IL1RAPL1: variants seen among roughly 807,000 people sequenced by gnomAD.
The protein encoded by IL1RAPL1 is interleukin 1 receptor accessory protein like 1.
IL1RAPL1 carries 3 observed loss-of-function variants against 48.4 expected under a neutral mutation model. The observed-to-expected ratio is 0.06, with a 90% CI of 0.03 to 0.16. IL1RAPL1 has a LOEUF of 0.16. Among genes scored for constraint, IL1RAPL1 ranks in the 10% least tolerant of loss-of-function variants. The probability of loss-of-function intolerance (pLI) is 1.00; values close to 1 mark genes in which losing one functional copy is unlikely to be tolerated. For synonymous variants in IL1RAPL1, 185 were observed against 187.7 expected, an observed-to-expected ratio of 0.99 and a Z score of 0.12; for missense variants, 349 against 530.6, an observed-to-expected ratio of 0.66 and a Z score of 3.36.
chrX:28,912,180 G>A (rs1280452991), intron 2 of IL1RAPL1, among the ~76,000 whole-genome samples: 1 of 109,097 alleles, frequency 9.2e-6, no homozygotes, highest in Non-Finnish European at 1.9e-5. Flanking sequence ...TGAAGAAAAG[G>A]CAATTCAAGA....
chrX:29,260,951 G>A (rs970987308), intron 2 of IL1RAPL1, among the ~76,000 whole-genome samples: 23 of 103,699 alleles, frequency 2.2e-4, no homozygotes, highest in East Asian at 8.7e-4. Flanking sequence ...ATAACTGAAC[G>A]AATAAAATAA....
chrX:29,802,851 GTA>G (rs1184442660), intron 6 of IL1RAPL1, among the ~76,000 whole-genome samples: 1 of 86,056 alleles, frequency 1.2e-5, no homozygotes, highest in Admixed American at 1.3e-4. Context: ...ACATATATGT[GTA>G]TATACGTGTA....
intron 2 of IL1RAPL1, among the ~76,000 whole-genome samples, chrX:28,801,524 C>T (rs777246596): frequency 2.7e-5 from 3 of 111,443 alleles, no homozygotes; most frequent in Non-Finnish European, 5.7e-5. Flanking sequence ...TGTTAAGTAT[C>T]GTAAGTTCCA....
chrX:29,463,764 A>G (rs1438438224), intron 5 of IL1RAPL1, among the ~76,000 whole-genome samples: 1 of 111,879 alleles, frequency 8.9e-6, no homozygotes, highest in Non-Finnish European at 1.9e-5. Context: ...GATGTTATGT[A>G]ACTTCCAGAC....
rs778770675 is a variant in IL1RAPL1, at chrX:28,867,115, A to G, written c.82+77690A>G. Among the ~76,000 whole-genome samples the G allele has an allele frequency of 2.9e-3, 325 of 111,142 alleles. 1 individual carries two copies. Among genetic ancestry groups the G allele is most frequent in the Middle Eastern group, 4.7e-3 (1 of 215 alleles). ...ATGGCCATGGAAAATGACCTGCAAA[A>G]TCTGCCAGTGCCAAGGTCTCTTGAA... On this transcript the variant is annotated intron_variant, in intron 2 of 10. Coordinates refer to ENST00000378993, the MANE Select transcript of IL1RAPL1 (RefSeq NM_014271.4).
chrX:29,770,364 G>T (rs1331319123), intron 6 of IL1RAPL1, among the ~76,000 whole-genome samples: 1 of 111,282 alleles, frequency 9.0e-6, no homozygotes, highest in Non-Finnish European at 1.9e-5. Flanking sequence ...TTAATAACTT[G>T]TTTTTCAGTG....
At chrX:29,946,933 C>CAT (rs1319412990) in intron 9 of IL1RAPL1, among the ~76,000 whole-genome samples, 1 of 111,921 alleles carries the variant, frequency 8.9e-6, no homozygotes, top group East Asian at 2.8e-4. Context: ...ATGGAAATAC[C>CAT]ATTTCCAAGA....
At chrX:29,649,154 C>A (rs1925434155) in intron 5 of IL1RAPL1, among the ~76,000 whole-genome samples, 1 of 111,468 alleles carries the variant, frequency 9.0e-6, no homozygotes, top group African/African-American at 3.3e-5. Context: ...GGCTTTACTG[C>A]TGAATTCTAC....
intron 2 of IL1RAPL1, chrX:28,924,001 C>T (rs994142775): frequency 6.3e-5 from 7 of 111,176 alleles, no homozygotes; most frequent in Non-Finnish European, 1.1e-4. Flanking sequence ...TGTAGCTACC[C>T]ATGGTATCTT....
rs190430368 is a variant in IL1RAPL1 at position 29,530,929 on chromosome X, A to G, written c.703+131621A>G. Among the ~76,000 whole-genome samples, 13 of 112,240 alleles carry G rather than the reference A, an allele frequency of 1.2e-4. No homozygotes were observed. In the East Asian group the frequency reaches 3.6e-3, roughly 31 times the overall value. On this transcript the variant is annotated intron_variant, in intron 5 of 10. Coordinates refer to ENST00000378993, the MANE Select transcript of IL1RAPL1 (RefSeq NM_014271.4). ...CGAACCTTTGGTTTCCTCATCTGTA[A>G]AATAGGGGCAGTAACAGTTTGTCTT...
At chrX:28,781,400 C>A (rs1295343376) in intron 1 of IL1RAPL1, among the ~76,000 whole-genome samples, 2 of 109,518 alleles carry the variant, frequency 1.8e-5, no homozygotes. Flanking sequence ...GTCTCCATGA[C>A]ATGGCACTTT....
At chrX:29,252,463 G>A (rs1202743292) in intron 2 of IL1RAPL1, among the ~76,000 whole-genome samples, 15 of 113,884 alleles carry the variant, frequency 1.3e-4, no homozygotes, top group Non-Finnish European at 1.9e-4. Context: ...AAGCAAGCAA[G>A]TATACCAATT....
At chrX:28,780,755 C>A (rs150900348) in intron 1 of IL1RAPL1, among the ~76,000 whole-genome samples, 1,147 of 108,948 alleles carry the variant, frequency 0.011, 16 homozygotes, top group African/African-American at 0.037. Context: ...CTTATGATAG[C>A]CAGCTCATGT....
chrX:29,119,915 G>A (rs1928747862), intron 2 of IL1RAPL1, among the ~76,000 whole-genome samples: 1 of 111,628 alleles, frequency 9.0e-6, no homozygotes, highest in Non-Finnish European at 1.9e-5. Flanking sequence ...GCCTTATGGG[G>A]TTTAATCAGA....
At chrX:29,768,183 T>C (rs1423079709) in intron 6 of IL1RAPL1, among the ~76,000 whole-genome samples, 1 of 112,313 alleles carries the variant, frequency 8.9e-6, no homozygotes, top group Non-Finnish European at 1.9e-5. Flanking sequence ...ACCTAAGAAT[T>C]AAAAACTATT....
intron 6 of IL1RAPL1, among the ~76,000 whole-genome samples, chrX:29,801,544 C>G (rs1206541444): frequency 1.8e-5 from 2 of 112,114 alleles, no homozygotes; most frequent in Non-Finnish European, 3.8e-5. Flanking sequence ...GGCATTGTCT[C>G]TAAGTGTGAT....
At chrX:29,057,675 C>T (rs775601459) in intron 2 of IL1RAPL1, among the ~76,000 whole-genome samples, 20 of 111,035 alleles carry the variant, frequency 1.8e-4, no homozygotes, top group African/African-American at 4.9e-4. Context: ...GTGATCCGCC[C>T]GCCTCGGCCT....
chrX:29,864,514 C>T (rs1931653151), intron 6 of IL1RAPL1, among the ~76,000 whole-genome samples: 1 of 111,610 alleles, frequency 9.0e-6, no homozygotes, highest in Non-Finnish European at 1.9e-5. Context: ...AATGAGTTTC[C>T]ATTGGTGTAA....
At chrX:29,427,518 G>C (rs1196667859) in intron 5 of IL1RAPL1, among the ~76,000 whole-genome samples, 1 of 111,574 alleles carries the variant, frequency 9.0e-6, no homozygotes, top group African/African-American at 3.3e-5. Flanking sequence ...TAGGGAGTAG[G>C]TGCTACTGAT....
Sources: gnomAD v4.1 joint callset for allele counts (sites outside exome capture counted in the v4.1 genomes callset) on GRCh38, gnomAD v4.1.1 for gene constraint, MANE v1.5 for transcripts, NCBI Gene and HGNC (gene_info 2026-07-23, HGNC 2026-07-21) for gene names.